The following RALGPS1 variants were observed in gnomAD, a reference collection of about 807,000 sequenced individuals.
RALGPS1 encodes the protein Ral GEF with PH domain and SH3 binding motif 1.
A neutral mutation model predicts 78.8 loss-of-function variants in RALGPS1; 19 were observed. The observed-to-expected ratio is 0.24, with a 90% CI of 0.17 to 0.35. The LOEUF (loss-of-function observed/expected upper bound fraction) is 0.35. Among genes scored for constraint, RALGPS1 ranks in the 10% least tolerant of loss-of-function variants. The pLI is 1.00. For synonymous variants in RALGPS1, 228 were observed against 256.3 expected, an observed-to-expected ratio of 0.89 and a Z score of 1.06; for missense variants, 454 against 688.3, an observed-to-expected ratio of 0.66 and a Z score of 3.81.
intron 4 of RALGPS1, among the ~76,000 whole-genome samples, chr9:126,986,158 C>A (rs754802): frequency 0.59 from 89,042 of 152,090 alleles, 30,163 homozygotes; most frequent in East Asian, 0.81. Context: ...CAAAGAACAT[C>A]ATTTCAGGGC....
chr9:127,127,658 T>A (rs2056717375), intron 8 of RALGPS1, among the ~76,000 whole-genome samples: 1 of 152,236 alleles, frequency 6.6e-6, no homozygotes, highest in Non-Finnish European at 1.5e-5. Context: ...CTACTTGTGA[T>A]GTGCTAGACA....
chr9:127,089,071 C>T, intron 8 of RALGPS1: 1 of 1,614,194 alleles, frequency 6.2e-7, no homozygotes, highest in Non-Finnish European at 8.5e-7. Flanking sequence ...GGTACCAGAC[C>T]CCGTTGAGGT....
chr9:127,069,495 T>C (rs2050006439), intron 8 of RALGPS1, 139 bp downstream of exon 8: 1 of 928,066 alleles, frequency 1.1e-6, no homozygotes, highest in Non-Finnish European at 1.6e-6. Flanking sequence ...GCTCTTTGGG[T>C]TGGAACAGGC....
intron 1 of RALGPS1, among the ~76,000 whole-genome samples, chr9:126,958,140 A>ATAT (rs1181506015): frequency 2.2e-3 from 174 of 79,936 alleles, no homozygotes; most frequent in African/African-American, 5.9e-3. Context: ...AAAAAAAAAA[A>ATAT]AAATATATAT....
intron 5 of RALGPS1, among the ~76,000 whole-genome samples, chr9:127,039,097 C>A (rs930514929): frequency 6.6e-6 from 1 of 151,980 alleles, no homozygotes; most frequent in Non-Finnish European, 1.5e-5. Context: ...CCTGGAGATG[C>A]AAATATTGGA....
At chr9:127,032,372 T>C (rs1196210144) in intron 4 of RALGPS1, among the ~76,000 whole-genome samples, 2 of 121,896 alleles carry the variant, frequency 1.6e-5, no homozygotes, top group African/African-American at 3.0e-5. Context: ...CATGTGCGTG[T>C]GCACACACAC....
intron 1 of RALGPS1, among the ~76,000 whole-genome samples, chr9:126,961,839 G>A (rs1444658945): frequency 3.9e-5 from 6 of 152,134 alleles, no homozygotes; most frequent in Admixed American, 6.5e-5. Flanking sequence ...GCCTGCAAGG[G>A]CCAGGCACGC....
chr9:127,137,122 T>G (rs1159529695), intron 8 of RALGPS1, among the ~76,000 whole-genome samples: 2 of 152,216 alleles, frequency 1.3e-5, no homozygotes, highest in African/African-American at 4.8e-5. Context: ...GATAATGGCC[T>G]GTTTGACAAG....
intron 1 of RALGPS1, among the ~76,000 whole-genome samples, chr9:126,946,416 C>A (rs1156588988): frequency 6.6e-6 from 1 of 151,868 alleles, no homozygotes; most frequent in Non-Finnish European, 1.5e-5. Flanking sequence ...CACCTGTAAT[C>A]CCAGCTACTT....
chr9:126,968,002 C>CTTTTTTT (rs745689127), intron 3 of RALGPS1, among the ~76,000 whole-genome samples: 1 of 130,638 alleles, frequency 7.7e-6, no homozygotes, highest in African/African-American at 2.8e-5. Flanking sequence ...GAGTTCAATT[C>CTTTTTTT]TTTTTTTTTT....
chr9:126,964,468 TTTA>T (rs2039246263), intron 2 of RALGPS1, among the ~76,000 whole-genome samples: 1 of 152,128 alleles, frequency 6.6e-6, no homozygotes, highest in African/African-American at 2.4e-5. Context: ...TTTTTTAAGC[TTTA>T]TTTTATATAA....
intron 1 of RALGPS1, among the ~76,000 whole-genome samples, chr9:126,930,714 C>T (rs2035714428): frequency 6.6e-6 from 1 of 152,230 alleles, no homozygotes; most frequent in Non-Finnish European, 1.5e-5. Context: ...CTGCCACAGC[C>T]TCCCAAAGTG....
chr9:127,185,349 A>G (rs2060575789), intron 11 of RALGPS1, among the ~76,000 whole-genome samples: 1 of 152,132 alleles, frequency 6.6e-6, no homozygotes, highest in Non-Finnish European at 1.5e-5. Context: ...GTCTGCATCC[A>G]TCACTGCTCC....
chr9:127,167,448 C>T (rs533045180), intron 9 of RALGPS1, among the ~76,000 whole-genome samples: 3 of 152,338 alleles, frequency 2.0e-5, no homozygotes, highest in East Asian at 3.9e-4. Flanking sequence ...AGATGGACTC[C>T]GGTTCCTATT....
At chr9:127,088,251 G>C (rs373222674) in intron 8 of RALGPS1, 10 of 152,200 alleles carry the variant, frequency 6.6e-5, no homozygotes, top group Admixed American at 4.6e-4. Flanking sequence ...ATGAAAATGT[G>C]GGGGGAGGGA....
At chr9:127,103,639 G>A (rs1227774279) in intron 8 of RALGPS1, among the ~76,000 whole-genome samples, 1 of 152,330 alleles carries the variant, frequency 6.6e-6, no homozygotes, top group African/African-American at 2.4e-5. Flanking sequence ...GCTAGGCCTA[G>A]GGAGGGGGAG....
intron 8 of RALGPS1, among the ~76,000 whole-genome samples, chr9:127,162,247 G>A (rs374040879): frequency 1.7e-4 from 26 of 152,216 alleles, no homozygotes; most frequent in African/African-American, 6.3e-4. Flanking sequence ...AGGCCTGATG[G>A]GGAGTCAGAT....
chr9:127,216,878 C>T (rs1313149635), intron 18 of RALGPS1: 1 of 1,519,858 alleles, frequency 6.6e-7, no homozygotes, highest in Non-Finnish European at 8.8e-7. Flanking sequence ...AAGAGCATAG[C>T]ACACTGAAGC....
At chr9:127,049,917 C>A in intron 5 of RALGPS1, 126 bp from the exon 6 acceptor site, 1 of 717,592 alleles carries the variant, frequency 1.4e-6, no homozygotes. Context: ...CCCAGGCTAT[C>A]CTCTCCCAGT....
Sources: allele counts gnomAD v4.1 joint callset (sites outside exome capture counted in the v4.1 genomes callset), GRCh38; gene constraint gnomAD v4.1.1; transcripts MANE v1.5; gene names NCBI Gene and HGNC (gene_info 2026-07-23, HGNC 2026-07-21).